DLGAP2: variants seen among roughly 807,000 people sequenced by gnomAD.
DLGAP2 encodes disks large-associated protein 2.
DLGAP2 carries 26 observed loss-of-function variants against 100.3 expected under a neutral mutation model. That is an observed-to-expected ratio of 0.26 (90% confidence interval 0.19 to 0.36). The LOEUF is 0.36. Among genes scored for constraint, DLGAP2 ranks in the 10% least tolerant of loss-of-function variants. DLGAP2 has a pLI of 1.00. For synonymous variants in DLGAP2, 886 were observed against 630.1 expected (o/e 1.41, Z -6.08); for missense variants, 1,858 against 1,453.2 (o/e 1.28, Z -4.53).
At chr8:943,501 C>T (rs553816829) in intron 2 of DLGAP2, among the ~76,000 whole-genome samples, 2 of 152,372 alleles carry the variant, frequency 1.3e-5, no homozygotes, top group South Asian at 2.1e-4. Context: ...GCCACAAGCA[C>T]AGCAAGAACC....
At chr8:1,338,067 C>T (rs1027603424) in intron 3 of DLGAP2, among the ~76,000 whole-genome samples, 2 of 152,198 alleles carry the variant, frequency 1.3e-5, no homozygotes, top group African/African-American at 2.4e-5. Context: ...GAAACCAGGC[C>T]CTTCAGAGAC....
At chr8:783,187 T>C (rs1821748506) in intron 1 of DLGAP2, among the ~76,000 whole-genome samples, 1 of 152,226 alleles carries the variant, frequency 6.6e-6, no homozygotes, top group Non-Finnish European at 1.5e-5. Flanking sequence ...TATTAATACA[T>C]GTGTCTTTTT....
chr8:924,831 C>A (rs1034920301), intron 2 of DLGAP2, among the ~76,000 whole-genome samples: 1 of 152,136 alleles, frequency 6.6e-6, no homozygotes, highest in Non-Finnish European at 1.5e-5. Context: ...GGTGATCCAC[C>A]TGCCTTGGCC....
At chr8:1,058,613 A>C (rs1290839732) in intron 2 of DLGAP2, among the ~76,000 whole-genome samples, 1 of 152,226 alleles carries the variant, frequency 6.6e-6, no homozygotes, top group Non-Finnish European at 1.5e-5. Context: ...CTGGCTCATC[A>C]CGGCTGGTTA....
At chr8:838,413 T>C (rs1173041812) in intron 1 of DLGAP2, among the ~76,000 whole-genome samples, 1 of 151,844 alleles carries the variant, frequency 6.6e-6, no homozygotes, top group Non-Finnish European at 1.5e-5. Flanking sequence ...TATTTTATTT[T>C]ATTTTAATTT....
At chr8:903,530 C>G (rs114965657) in intron 1 of DLGAP2, among the ~76,000 whole-genome samples, 54 of 152,228 alleles carry the variant, frequency 3.5e-4, no homozygotes, top group African/African-American at 1.3e-3. Context: ...CTGCCAGTGT[C>G]AGATTACTTC....
chr8:1,201,383 G>A (rs1396900737), intron 2 of DLGAP2, among the ~76,000 whole-genome samples: 4 of 152,130 alleles, frequency 2.6e-5, no homozygotes, highest in South Asian at 2.1e-4. Flanking sequence ...CCCCTTCCTC[G>A]GGAAGGGACG....
At chr8:1,304,616 A>G (rs1200011247) in intron 3 of DLGAP2, among the ~76,000 whole-genome samples, 1 of 152,206 alleles carries the variant, frequency 6.6e-6, no homozygotes, top group African/African-American at 2.4e-5. Flanking sequence ...TTAATCCAAT[A>G]ATAATTAAAT....
At chr8:1,136,533 G>A (rs376542319) in intron 2 of DLGAP2, among the ~76,000 whole-genome samples, 14 of 152,252 alleles carry the variant, frequency 9.2e-5, no homozygotes, top group African/African-American at 2.7e-4. Context: ...GGCAGACAAC[G>A]TGGCTAGCAC....
intron 2 of DLGAP2, among the ~76,000 whole-genome samples, chr8:921,645 C>G (rs1031924574): frequency 1.3e-5 from 2 of 152,262 alleles, no homozygotes; most frequent in Non-Finnish European, 2.9e-5. Flanking sequence ...GCTGGCAGCG[C>G]AGCTGTTACA....
chr8:1,007,203 C>G (rs954474742), intron 2 of DLGAP2, among the ~76,000 whole-genome samples: 1 of 152,204 alleles, frequency 6.6e-6, no homozygotes. Context: ...GTCGGGGACA[C>G]CGTGCATCTC....
rs917025187 is a variant in DLGAP2, at chr8:1,195,555, A to T, written c.74-63296A>T. ...CTATCCAATTACTTGGTACCTTCCT[A>T]AAAATAGTCTTTTAAAAACATATAA... On this transcript the variant is annotated intron_variant, in intron 2 of 14. Coordinates refer to ENST00000637795, the MANE Select transcript of DLGAP2 (RefSeq NM_001346810.2). Among the ~76,000 whole-genome samples the T allele has an allele frequency of 2.6e-5, 4 of 152,222 alleles. No homozygotes were observed. The South Asian group carries it at 6.2e-4, about 24-fold the overall frequency.
intron 1 of DLGAP2, among the ~76,000 whole-genome samples, chr8:826,679 G>T (rs1414875280): frequency 2.0e-5 from 3 of 152,084 alleles, no homozygotes; most frequent in Admixed American, 2.0e-4. Flanking sequence ...CCCTCTCGCA[G>T]CCTTCTCTGC....
At chr8:1,230,392 T>A (rs1052047218) in intron 2 of DLGAP2, among the ~76,000 whole-genome samples, 3 of 152,198 alleles carry the variant, frequency 2.0e-5, no homozygotes, top group Non-Finnish European at 1.5e-5. Context: ...CATTCCATGA[T>A]GATGGACTGG....
chr8:1,135,602 A>T (rs1403500665), intron 2 of DLGAP2, among the ~76,000 whole-genome samples: 1 of 140,798 alleles, frequency 7.1e-6, no homozygotes, highest in Non-Finnish European at 1.5e-5. Context: ...GGCACACCTA[A>T]GGGGAACGAC....
chr8:1,023,229 C>T (rs1337770214), intron 2 of DLGAP2, among the ~76,000 whole-genome samples: 1 of 152,192 alleles, frequency 6.6e-6, no homozygotes, highest in Non-Finnish European at 1.5e-5. Context: ...TCAGGTTGTT[C>T]TCAGCGTGCC....
At chr8:1,632,758 C>A (rs1347957297) in intron 7 of DLGAP2, 69 bp from the exon 8 acceptor site, 2 of 1,490,738 alleles carry the variant, frequency 1.3e-6, no homozygotes, top group East Asian at 2.4e-5. Flanking sequence ...GCGCGCTCTC[C>A]TGGCTTTTCT....
chr8:1,661,789 A>T (rs1262056636), intron 8 of DLGAP2, among the ~76,000 whole-genome samples: 2 of 152,208 alleles, frequency 1.3e-5, no homozygotes, highest in Non-Finnish European at 2.9e-5. Flanking sequence ...AGGTTTCAAG[A>T]CTAGGAGGGT....
At chr8:744,571 G>C (rs564282838) in intron 1 of DLGAP2, among the ~76,000 whole-genome samples, 41 of 150,008 alleles carry the variant, frequency 2.7e-4, no homozygotes, top group South Asian at 1.1e-3. Flanking sequence ...GCCCTCCCGG[G>C]GTGCTGGCCG....
Sources: gnomAD v4.1 joint callset for allele counts (sites outside exome capture counted in the v4.1 genomes callset) on GRCh38, gnomAD v4.1.1 for gene constraint, MANE v1.5 for transcripts, NCBI Gene and HGNC (gene_info 2026-07-23, HGNC 2026-07-21) for gene names.